ENOX1: variants seen among roughly 807,000 people sequenced by gnomAD.
ENOX1 encodes the protein ecto-NOX disulfide-thiol exchanger 1.
ENOX1 carries 42 observed loss-of-function variants against 82.5 expected under a neutral mutation model. That is an observed-to-expected ratio of 0.51 (90% CI 0.40 to 0.66). The LOEUF (loss-of-function observed/expected upper bound fraction) is 0.66. Ranked by LOEUF, ENOX1 falls within the 30% of genes least tolerant of loss-of-function variation. The pLI, the probability that ENOX1 is intolerant of heterozygous loss-of-function variation, is 0.00. For missense variants in ENOX1, 608 were observed against 811.6 expected (o/e 0.75, Z 3.05); for synonymous variants, 271 against 282.2 (o/e 0.96, Z 0.40).
chr13:43,386,645 T>C (rs1000403328), intron 5 of ENOX1, among the ~76,000 whole-genome samples: 2 of 152,228 alleles, frequency 1.3e-5, no homozygotes, highest in African/African-American at 2.4e-5. Context: ...AGCATTGTGT[T>C]TGAACGATTA....
At chr13:43,253,228 C>A (rs748228625) in intron 14 of ENOX1, among the ~76,000 whole-genome samples, 1 of 152,212 alleles carries the variant, frequency 6.6e-6, no homozygotes. Flanking sequence ...AGGGCTGACA[C>A]GCAGGGCACC....
At chr13:43,225,748 CA>C (rs925333016) in intron 15 of ENOX1, among the ~76,000 whole-genome samples, 6 of 152,076 alleles carry the variant, frequency 3.9e-5, no homozygotes, top group African/African-American at 1.4e-4. Flanking sequence ...AACAGAAAAC[CA>C]AAGGGACTCT....
At chr13:43,331,101 C>T (rs1204993146) in intron 9 of ENOX1, among the ~76,000 whole-genome samples, 6 of 152,076 alleles carry the variant, frequency 3.9e-5, no homozygotes, top group Admixed American at 3.9e-4. Flanking sequence ...AAGCAAGCTC[C>T]CTGGGAAAAA....
chr13:43,535,871 T>C (rs570820453), intron 2 of ENOX1, among the ~76,000 whole-genome samples: 7 of 152,216 alleles, frequency 4.6e-5, no homozygotes, highest in Non-Finnish European at 8.8e-5. Context: ...AGGAAAGTTT[T>C]AATTTGCACA....
intron 3 of ENOX1, among the ~76,000 whole-genome samples, chr13:43,458,293 T>G (rs569727088): frequency 6.6e-6 from 1 of 152,274 alleles, no homozygotes; most frequent in South Asian, 2.1e-4. Context: ...TTTTGCAGGA[T>G]TTTATGAGAA....
intron 8 of ENOX1, among the ~76,000 whole-genome samples, chr13:43,347,462 A>T (rs532180983): frequency 6.6e-6 from 1 of 152,334 alleles, no homozygotes; most frequent in South Asian, 2.1e-4. Context: ...AAATTAAATT[A>T]AAAAAACATT....
chr13:43,479,883 C>T (rs191374568), intron 3 of ENOX1, among the ~76,000 whole-genome samples: 8 of 151,930 alleles, frequency 5.3e-5, no homozygotes, highest in Admixed American at 4.6e-4. Context: ...GAGATGTTGG[C>T]TTTTGGTTCC....
At chr13:43,670,356 C>A (rs767376392) in intron 1 of ENOX1, among the ~76,000 whole-genome samples, 26 of 152,154 alleles carry the variant, frequency 1.7e-4, no homozygotes, top group Admixed American at 5.9e-4. Flanking sequence ...GTATTTCACT[C>A]TTTATTTTCA....
At chr13:43,777,725 T>C (rs1952005812) in intron 1 of ENOX1, among the ~76,000 whole-genome samples, 2 of 151,936 alleles carry the variant, frequency 1.3e-5, no homozygotes, top group African/African-American at 4.8e-5. Context: ...TTTTTTTGTA[T>C]TTTTAGTAGA....
intron 3 of ENOX1, among the ~76,000 whole-genome samples, chr13:43,432,885 A>T (rs1436742715): frequency 6.6e-6 from 1 of 151,990 alleles, no homozygotes; most frequent in African/African-American, 2.4e-5. Context: ...TCTTTTTGCT[A>T]GATACAAATC....
intron 2 of ENOX1, among the ~76,000 whole-genome samples, chr13:43,487,601 G>T (rs577185703): frequency 6.6e-6 from 1 of 152,204 alleles, no homozygotes; most frequent in East Asian, 1.9e-4. Context: ...ATGACACCAT[G>T]GCTTTTAATG....
intron 1 of ENOX1, among the ~76,000 whole-genome samples, chr13:43,725,310 C>T (rs1488593591): frequency 6.6e-6 from 1 of 152,082 alleles, no homozygotes; most frequent in Non-Finnish European, 1.5e-5. Context: ...CTACAAAAGA[C>T]CTTGGTTCCC....
rs140978884 is a variant in ENOX1 at position 43,716,109 on chromosome 13, C to T, written c.-284-48565G>A. Among the ~76,000 whole-genome samples the T allele has an allele frequency of 1.9e-3, 283 of 152,340 alleles. 1 individual carries two copies. The highest frequency in any genetic ancestry group is 3.0e-3 in the Non-Finnish European group (207 of 68,038). On this transcript the variant is annotated intron_variant, in intron 1 of 16. Coordinates refer to ENST00000690772, the MANE Select transcript of ENOX1 (RefSeq NM_001347969.2). ...TTGTTCCGTTGCTGGTGAGGAGCTGCGTTCCTTTGAAGGAGGAGAGGCGCT... is the reference window on the plus strand; with the variant it reads ...TTGTTCCGTTGCTGGTGAGGAGCTGTGTTCCTTTGAAGGAGGAGAGGCGCT...
intron 2 of ENOX1, among the ~76,000 whole-genome samples, chr13:43,567,751 A>C (rs530084922): frequency 6.6e-6 from 1 of 152,286 alleles, no homozygotes; most frequent in East Asian, 1.9e-4. Flanking sequence ...AGAATTTATA[A>C]AGTAGATTTG....
chr13:43,723,585 T>C (rs973849779), intron 1 of ENOX1, among the ~76,000 whole-genome samples: 2 of 152,204 alleles, frequency 1.3e-5, no homozygotes, highest in Admixed American at 6.5e-5. Flanking sequence ...AAGCACTCCA[T>C]GAGTACAAAT....
chr13:43,478,054 GTTTTTTTTTTTTT>G (rs756717438), intron 3 of ENOX1, among the ~76,000 whole-genome samples: 2 of 100,450 alleles, frequency 2.0e-5, no homozygotes, highest in East Asian at 4.4e-4. Context: ...AGCCAGAGAG[GTTTTTTTTTTTTT>G]TTTTTTTTTT....
Position 43,708,920 on chromosome 13 carries a change from C to T in ENOX1, c.-284-41376G>A, listed in dbSNP as rs552636877. On this transcript the variant is annotated intron_variant, in intron 1 of 16. Coordinates refer to ENST00000690772, the MANE Select transcript of ENOX1 (RefSeq NM_001347969.2). Reference sequence around the variant, plus strand: ...AAAGGACATCATTAAGAAAATGAAACGGCAAGCCATAGATTCCCAGAGTGG... The same window carrying T: ...AAAGGACATCATTAAGAAAATGAAATGGCAAGCCATAGATTCCCAGAGTGG... 2.6e-4 allele frequency among the ~76,000 whole-genome samples: 40 copies of T among 152,090 alleles called. No homozygotes were observed. In the East Asian group the frequency reaches 6.8e-3, roughly 26 times the overall value.
chr13:43,686,288 G>T (rs1460215515), intron 1 of ENOX1, among the ~76,000 whole-genome samples: 3 of 152,080 alleles, frequency 2.0e-5, no homozygotes, highest in Non-Finnish European at 4.4e-5. Flanking sequence ...ACTCATTCAA[G>T]TCTCCCCTGT....
intron 2 of ENOX1, among the ~76,000 whole-genome samples, chr13:43,578,342 T>C (rs2080538687): frequency 6.6e-6 from 1 of 152,118 alleles, no homozygotes; most frequent in Non-Finnish European, 1.5e-5. Context: ...GTACACTAGA[T>C]AAAAAAGAAG....
Sources: allele counts gnomAD v4.1 joint callset (sites outside exome capture counted in the v4.1 genomes callset), GRCh38; gene constraint gnomAD v4.1.1; transcripts MANE v1.5; gene names NCBI Gene and HGNC (gene_info 2026-07-23, HGNC 2026-07-21).